Variants in LOXHD1 observed in about 807,000 individuals in gnomAD.
The protein encoded by LOXHD1 is lipoxygenase homology domain-containing protein 1.
In LOXHD1, 205 loss-of-function variants were observed where a neutral mutation model predicts 248.2. That is an observed-to-expected ratio of 0.83 (90% CI 0.74 to 0.93). The LOEUF (loss-of-function observed/expected upper bound fraction) is 0.93, where lower values mean the gene tolerates loss of function less well. Ranked by LOEUF, LOXHD1 falls within the 40% of genes least tolerant of loss-of-function variation. LOXHD1 has a pLI of 0.00. For missense variants in LOXHD1, 2,930 were observed against 2,971.6 expected (o/e 0.99, Z 0.33); for synonymous variants, 1,113 against 1,162.8 (o/e 0.96, Z 0.87).
chr18:46,647,773 G>T (rs2039051351), intron 2 of LOXHD1, among the ~76,000 whole-genome samples: 1 of 152,190 alleles, frequency 6.6e-6, no homozygotes, highest in Admixed American at 6.5e-5. Flanking sequence ...CAAGGTACAG[G>T]GTGCAGGGAT....
At chr18:46,536,993 A>T (rs2036341596) in intron 26 of LOXHD1, among the ~76,000 whole-genome samples, 1 of 152,082 alleles carries the variant, frequency 6.6e-6, no homozygotes, top group Admixed American at 6.5e-5. Context: ...TCCAAGTTAC[A>T]TCACACTCCT....
intron 4 of LOXHD1, among the ~76,000 whole-genome samples, chr18:46,622,555 C>T (rs1042103228): frequency 6.6e-6 from 1 of 151,932 alleles, no homozygotes; most frequent in Non-Finnish European, 1.5e-5. Context: ...GGTAGATCTG[C>T]TCTCTGTGGC....
At chr18:46,555,405 G>T in intron 21 of LOXHD1, 2 of 250,348 alleles carry the variant, frequency 8.0e-6, no homozygotes. Flanking sequence ...TCTTTATGTG[G>T]TTTCACAATG....
intron 29 of LOXHD1, among the ~76,000 whole-genome samples, chr18:46,525,457 A>T (rs2035786747): frequency 6.6e-6 from 1 of 151,944 alleles, no homozygotes. Flanking sequence ...AGTAGAGGTG[A>T]GGCTCTGGGG....
At chr18:46,593,075 G>C (rs1003053335) in intron 10 of LOXHD1, among the ~76,000 whole-genome samples, 3 of 152,162 alleles carry the variant, frequency 2.0e-5, no homozygotes, top group African/African-American at 7.2e-5. Flanking sequence ...TACCAATGGG[G>C]TGCTGAGAGG....
At position 46,657,181 on chromosome 18, in the gene LOXHD1, G is replaced by A. The variant is rs536284012; in HGVS notation, c.-148C>T. 20 of 1,297,676 alleles carry A rather than the reference G, an allele frequency of 1.5e-5. No individual in the cohort carries two copies. In the African/African-American group the frequency reaches 2.2e-4, roughly 14 times the overall value. 80.4% of individuals were successfully genotyped at this position (1,297,676 alleles called of 1,614,324 possible). ...TGGGCCAGAGTGCCCCGTTTTCTTG[G>A]CTTCCCCGTGCCCAAGGTGCTGTTC... On this transcript the variant is annotated 5_prime_UTR_variant, in exon 1 of 41. Transcript: ENST00000642948.
At position 46,551,086 on chromosome 18, in the gene LOXHD1, A is replaced by C. The variant is rs184108000; in HGVS notation, c.3351-4028T>G. ...TTCAAAATTCCTGAGATAACTCCTA[A>C]ATTTCTTTTCTTTTCTTTTCTTTTT... On this transcript the variant is annotated intron_variant, in intron 21 of 40. Transcript: ENST00000642948. Among the ~76,000 whole-genome samples the C allele has an allele frequency of 5.6e-3, 852 of 151,326 alleles. 4 individuals carry two copies. The highest frequency in any genetic ancestry group is 9.7e-3 in the Non-Finnish European group (661 of 67,866).
chr18:46,625,188 G>A (rs1162480167), intron 4 of LOXHD1, among the ~76,000 whole-genome samples: 1 of 152,116 alleles, frequency 6.6e-6, no homozygotes, highest in Non-Finnish European at 1.5e-5. Flanking sequence ...CAAACCTCAG[G>A]TTCTCTCAAA....
At chr18:46,520,173 G>C (rs2035501254) in intron 33 of LOXHD1, 1 of 459,036 alleles carries the variant, frequency 2.2e-6, no homozygotes, top group African/African-American at 2.0e-5. Flanking sequence ...TGAGTCTCTA[G>C]CAGGCGAGAG....
chr18:46,507,042 G>T (rs1054884173), intron 36 of LOXHD1, among the ~76,000 whole-genome samples: 6 of 152,204 alleles, frequency 3.9e-5, no homozygotes, highest in African/African-American at 1.4e-4. Context: ...TTCTGGACTT[G>T]ACTTTGGCAT....
intron 33 of LOXHD1, among the ~76,000 whole-genome samples, 166 bp downstream of exon 33, chr18:46,520,931 C>A (rs182150837): frequency 6.6e-6 from 1 of 152,328 alleles, no homozygotes; most frequent in Admixed American, 6.5e-5. Flanking sequence ...AGAGTTCAGT[C>A]TGCGGCTCCT....
chr18:46,603,961 A>G, intron 7 of LOXHD1, 145 bp downstream of exon 7: 1 of 1,149,022 alleles, frequency 8.7e-7, no homozygotes, highest in East Asian at 2.6e-5. Context: ...AGTGGGACAG[A>G]ACAGTTTCAG....
chr18:46,538,760 C>T (rs193128744), intron 25 of LOXHD1, among the ~76,000 whole-genome samples: 8 of 152,174 alleles, frequency 5.3e-5, no homozygotes, highest in African/African-American at 1.9e-4. Context: ...GAAGAGACTC[C>T]ACAAACAAGA....
rs1262099860 is a variant in LOXHD1 at position 46,559,563 on chromosome 18, G to A, written c.3101C>T (p.Pro1034Leu). ...YEVQVVTGNV[P>L]KAGTDANVYL... is the part of the protein sequence containing the mutation. ...GACGTTAGCATCAGTGCCGGCCTTG[G>A]GCACATTCCCCGTGACCACCTGAAC... The change falls in exon 20 of 41, where the codon CCC (proline) becomes CTC (leucine). Residue 1034 changes from proline (P) to leucine (L), a missense_variant. Coordinates refer to ENST00000642948, the MANE Select transcript of LOXHD1 (RefSeq NM_001384474.1). 1.3e-6 allele frequency: 2 copies of A among 1,551,852 alleles called. No individual in the cohort carries two copies. The highest frequency in any genetic ancestry group is 1.7e-6 in the Non-Finnish European group (2 of 1,147,028).
intron 2 of LOXHD1, among the ~76,000 whole-genome samples, chr18:46,646,371 C>T (rs1479988871): frequency 6.6e-6 from 1 of 152,196 alleles, no homozygotes; most frequent in East Asian, 1.9e-4. Context: ...ATGCCCCTCC[C>T]AGACCTGCAG....
At chr18:46,611,067 C>A in intron 5 of LOXHD1, 143 bp from the exon 6 acceptor site, 1 of 933,004 alleles carries the variant, frequency 1.1e-6, no homozygotes. Context: ...TCCTTACATC[C>A]CTCCAGTCTC....
In LOXHD1 at chr18:46,524,523, C is replaced by A; in HGVS notation, c.4819G>T (p.Asp1607Tyr). Residue 1607 changes from aspartate to tyrosine, a missense_variant, in exon 31 of 41, where the codon GAT becomes TAT. By Grantham distance (160) the Asp-to-Tyr change is radical (BLOSUM62 -3). Coordinates refer to ENST00000642948, the MANE Select transcript of LOXHD1 (RefSeq NM_001384474.1). ...CCGGTCACTGTGCTGATGTCGACATCGGCCATCTTGGAGCTCAGGGCGATC... is the reference window on the plus strand; with the variant it reads ...CCGGTCACTGTGCTGATGTCGACATAGGCCATCTTGGAGCTCAGGGCGATC... ...WEIALSSKMA[D>Y]VDISTVTGPM... The A allele has an allele frequency of 6.4e-7, 1 of 1,551,726 alleles. No individual in the cohort carries two copies. Among genetic ancestry groups the A allele is most frequent in the South Asian group, 1.2e-5 (1 of 84,062 alleles).
At chr18:46,560,841 C>G (rs1186180417) in intron 18 of LOXHD1, among the ~76,000 whole-genome samples, 4 of 142,454 alleles carry the variant, frequency 2.8e-5, no homozygotes, top group African/African-American at 1.1e-4. Context: ...CACGTATACA[C>G]ACACACACGC....
rs1289134910 is a variant in LOXHD1, at chr18:46,579,565, G to A, written c.1809+65C>T. ...AGCTCAACTTTAACAGGGCAGGGAA[G>A]ACGAGGGAACATGGGAAGGGAACTG... On this transcript the variant is annotated intron_variant, in intron 13 of 40. Transcript: ENST00000642948. The A allele has an allele frequency of 1.9e-6, 3 of 1,545,704 alleles. No homozygotes were observed. In the East Asian group the frequency reaches 7.3e-5, roughly 38 times the overall value.
Sources: allele counts gnomAD v4.1 joint callset (sites outside exome capture counted in the v4.1 genomes callset), GRCh38; gene constraint gnomAD v4.1.1; transcripts MANE v1.5; gene names NCBI Gene and HGNC (gene_info 2026-07-23, HGNC 2026-07-21).